MICAL2: variants seen among roughly 807,000 people sequenced by gnomAD.
MICAL2 encodes microtubule associated monooxygenase, calponin and LIM domain containing 2, also known as [F-actin]-monooxygenase MICAL2.
A neutral mutation model predicts 127.3 loss-of-function variants in MICAL2; 77 were observed. That is an observed-to-expected ratio of 0.60 (90% CI 0.50 to 0.73). MICAL2 has a LOEUF of 0.73. Ranked by LOEUF, MICAL2 falls within the 30% of genes least tolerant of loss-of-function variation. The pLI, the probability that MICAL2 is intolerant of heterozygous loss-of-function variation, is 0.00. For synonymous variants in MICAL2, 570 were observed against 551.1 expected (o/e 1.03, Z -0.48); for missense variants, 1,351 against 1,434.4 (o/e 0.94, Z 0.94).
rs1170885111 is a variant in MICAL2 at position 12,220,238 on chromosome 11, A to G, written c.986A>G (p.Asn329Ser). 1 of 1,614,062 alleles carries G rather than the reference A, an allele frequency of 6.2e-7. No homozygotes were observed. The highest frequency in any genetic ancestry group is 8.5e-7 in the Non-Finnish European group (1 of 1,180,022). Residue 329 changes from asparagine (N) to serine (S), a missense_variant, in exon 9 of 28, where the codon AAC becomes AGC. Asn to Ser is a conservative substitution (Grantham distance 46). Around this residue, in one of 2 missense-constraint regions of MICAL2, gnomAD observed 599 missense variants for 714.9 expected, o/e 0.84. Transcript: ENST00000683283. ...ACAGAGATGCTGCTGTGTGCGGAGA[A>G]CGTGAACCAAGACAACCTGCTATCC... ...IDTEMLLCAE[N>S]VNQDNLLSYA...
rs150017467 is a variant in MICAL2, at chr11:12,284,501, A to G, written c.255-2586A>G. ...TTCCCGTTGTGGTAAAAATGTGTGCATGTGTGTTCTATTAACACCAGTGAT... is the reference window on the plus strand; with the variant it reads ...TTCCCGTTGTGGTAAAAATGTGTGCGTGTGTGTTCTATTAACACCAGTGAT... On this transcript the variant is annotated intron_variant, in intron 2 of 2. Coordinates refer to the MICAL2 transcript ENST00000529028. Among the ~76,000 whole-genome samples, 553 of 152,290 alleles carry G rather than the reference A, an allele frequency of 3.6e-3. 3 individuals carry two copies. Among genetic ancestry groups the G allele is most frequent in the Non-Finnish European group, 6.3e-3 (426 of 68,028 alleles).
chr11:12,255,658 G>T lies in MICAL2; in HGVS notation c.2863G>T (p.Val955Leu). Residue 955 changes from valine to leucine, a missense_variant, in exon 23 of 28, where the codon GTG becomes TTG. By Grantham distance (32) the Val-to-Leu change is conservative. Around this residue, in one of 2 missense-constraint regions of MICAL2, gnomAD observed 752 missense variants for 719.4 expected, o/e 1.05. Coordinates refer to ENST00000683283, the MANE Select transcript of MICAL2 (RefSeq NM_001282663.2). ...TVHPQLTVGKVSSGIGAAAEV... is the reference protein window; with the variant it reads ...TVHPQLTVGKLSSGIGAAAEV... ...TCTTGGTTAGCTGACGGTAGGGAAA[G>T]TGTCCAGCGGAATAGGGGCTGCAGC... 1 of 1,614,112 alleles carries T rather than the reference G, an allele frequency of 6.2e-7. No individual in the cohort carries two copies.
chr11:12,214,956 G>A (rs1855959102), intron 7 of MICAL2, among the ~76,000 whole-genome samples: 1 of 152,182 alleles, frequency 6.6e-6, no homozygotes. Context: ...ATTAGTTGTT[G>A]AGCAAGATTG....
intron 22 of MICAL2, 151 bp downstream of exon 22, chr11:12,249,397 A>G: frequency 1.6e-6 from 1 of 607,108 alleles, no homozygotes; most frequent in Non-Finnish European, 3.0e-6. Context: ...ATGTGCTTGT[A>G]CTGGGAGCTC....
At position 12,133,009 on chromosome 11, in the gene MICAL2, G is replaced by T. The variant is rs184405849; in HGVS notation, c.-148-5381G>T. Among the ~76,000 whole-genome samples, 88 of 152,294 alleles carry T rather than the reference G, an allele frequency of 5.8e-4. No individual in the cohort carries two copies. The East Asian group carries it at 0.017, about 29-fold the overall frequency. ...CATGGCCCATGCTGCAGGAGAGGTG[G>T]GTGGTTGTCAGCATATTTTGGTTCT... On this transcript the variant is annotated intron_variant, in intron 1 of 27. Transcript: ENST00000683283.
intron 2 of MICAL2, among the ~76,000 whole-genome samples, chr11:12,139,488 G>A (rs1018021498): frequency 6.6e-6 from 1 of 152,170 alleles, no homozygotes; most frequent in African/African-American, 2.4e-5. Context: ...GGGCATGGGC[G>A]GAGGCTCCGG....
intron 3 of MICAL2, among the ~76,000 whole-genome samples, chr11:12,166,239 G>A (rs1855496990): frequency 6.6e-6 from 1 of 152,220 alleles, no homozygotes; most frequent in Non-Finnish European, 1.5e-5. Context: ...GCCACAAACT[G>A]AGGTCCAGAA....
intron 22 of MICAL2, chr11:12,252,756 G>A (rs2134609974): frequency 6.6e-6 from 1 of 152,350 alleles, no homozygotes; most frequent in East Asian, 1.9e-4. Context: ...CTTTATGTTT[G>A]AGGCTTTCTC....
chr11:12,331,460 C>T (rs908945088), intron 32 of MICAL2, among the ~76,000 whole-genome samples: 5 of 152,118 alleles, frequency 3.3e-5, no homozygotes, highest in Non-Finnish European at 7.4e-5. Context: ...AATTAGGATG[C>T]ACAAAGTGCC....
chr11:12,306,964 G>C (rs1451758206), intron 29 of MICAL2, among the ~76,000 whole-genome samples: 1 of 152,092 alleles, frequency 6.6e-6, no homozygotes, highest in Non-Finnish European at 1.5e-5. Flanking sequence ...ATTTGCCTTA[G>C]CCAAGTTCCT....
chr11:12,345,131 A>AAAAAAAAAAAAAAAAAAG (rs1427548449), intron 32 of MICAL2, among the ~76,000 whole-genome samples: 1 of 151,018 alleles, frequency 6.6e-6, no homozygotes, highest in African/African-American at 2.5e-5. Context: ...AAAAAAAGAA[A>AAAAAAAAAAAAAAAAAAG]AAAGAAAGAA....
chr11:12,143,002 G>A (rs893676601), intron 2 of MICAL2, among the ~76,000 whole-genome samples: 13 of 152,220 alleles, frequency 8.5e-5, no homozygotes, highest in Admixed American at 4.6e-4. Context: ...AAGTGAGTAA[G>A]ACCTAGTCCC....
At chr11:12,156,840 C>T (rs897248837) in intron 2 of MICAL2, among the ~76,000 whole-genome samples, 6 of 152,310 alleles carry the variant, frequency 3.9e-5, no homozygotes, top group South Asian at 2.1e-4. Context: ...CTTCTGTGTG[C>T]GAGAGTTAGA....
At chr11:12,181,340 C>T (rs1302136866) in intron 3 of MICAL2, among the ~76,000 whole-genome samples, 1 of 152,202 alleles carries the variant, frequency 6.6e-6, no homozygotes, top group Admixed American at 6.5e-5. Flanking sequence ...TTTAGAATTT[C>T]ACCTTTGTTT....
At chr11:12,274,826 CT>C (rs1863707382), upstream of MICAL2, 1 of 152,304 alleles carries the variant, frequency 6.6e-6, no homozygotes, top group Non-Finnish European at 1.5e-5. Flanking sequence ...TGAGGGGCCA[CT>C]GGGTGATTTT....
chr11:12,319,859 C>G, intron 30 of MICAL2: 1 of 1,425,104 alleles, frequency 7.0e-7, no homozygotes, highest in Non-Finnish European at 9.9e-7. Context: ...GTGGGGGCTG[C>G]TTACCATCCA....
chr11:12,230,158 C>G (rs993776980), intron 15 of MICAL2, among the ~76,000 whole-genome samples: 1 of 152,222 alleles, frequency 6.6e-6, no homozygotes. Context: ...TTCTTCCCAT[C>G]CTACCAGATA....
intron 32 of MICAL2, among the ~76,000 whole-genome samples, chr11:12,339,094 G>A (rs1207562681): frequency 1.2e-4 from 19 of 152,180 alleles, no homozygotes. Context: ...AGGTACACCA[G>A]TCATACGTAG....
At chr11:12,238,980 C>T (rs1361647047) in intron 16 of MICAL2, among the ~76,000 whole-genome samples, 1 of 152,088 alleles carries the variant, frequency 6.6e-6, no homozygotes, top group Admixed American at 6.5e-5. Context: ...CTGAGTGACC[C>T]CACCCGTGCT....
Sources: gnomAD v4.1 joint callset for allele counts (sites outside exome capture counted in the v4.1 genomes callset) on GRCh38, gnomAD v4.1.1 for gene constraint, gnomAD v4.1.1 regional missense constraint, MANE v1.5 for transcripts, NCBI Gene and HGNC (gene_info 2026-07-23, HGNC 2026-07-21) for gene names.